Variants in CHIC1 observed in about 807,000 individuals in gnomAD.
CHIC1 encodes cysteine rich hydrophobic domain 1.
In CHIC1, 7 loss-of-function variants were observed where a neutral mutation model predicts 18.5. The ratio of observed to expected loss-of-function variants is 0.38; its 90% confidence interval spans 0.22 to 0.71. CHIC1 has a LOEUF of 0.71. Ranked by LOEUF, CHIC1 falls within the 30% of genes least tolerant of loss-of-function variation. The pLI is 0.49. For missense variants in CHIC1, 159 were observed against 176.9 expected (o/e 0.90, Z 0.57); for synonymous variants, 77 against 73.5 (o/e 1.05, Z -0.25).
At chrX:73,651,566 G>A (rs1177583330) in intron 3 of CHIC1, among the ~76,000 whole-genome samples, 1 of 110,795 alleles carries the variant, frequency 9.0e-6, no homozygotes, top group East Asian at 2.8e-4. Context: ...AAAATTACAT[G>A]CATTCCTATA....
intron 3 of CHIC1, among the ~76,000 whole-genome samples, chrX:73,635,175 G>A (rs1227787733): frequency 2.7e-5 from 3 of 111,619 alleles, no homozygotes; most frequent in Non-Finnish European, 3.8e-5. Flanking sequence ...TGTTAATGTA[G>A]TATATCACAC....
Position 73,681,248 on chromosome X carries a change from T to C in CHIC1, c.*243T>C, listed in dbSNP as rs2058098393. ...ACACATGCGTGTGTGCATATACATATATAGATAGTTGCCATTAAAGATAAA... is the reference window on the plus strand; with the variant it reads ...ACACATGCGTGTGTGCATATACATACATAGATAGTTGCCATTAAAGATAAA... On this transcript the variant is annotated 3_prime_UTR_variant, in exon 6 of 6. Transcript: ENST00000373502. The C allele has an allele frequency of 3.7e-6, 1 of 271,064 alleles. No homozygotes were observed. The highest frequency in any genetic ancestry group is 6.8e-5 in the Admixed American group (1 of 14,806). The allele number at this position is 271,064 out of a possible 1,213,427, so 22.3% of individuals were successfully genotyped here.
intron 3 of CHIC1, among the ~76,000 whole-genome samples, chrX:73,637,677 G>GT (rs1403412202): frequency 1.6e-4 from 18 of 110,016 alleles, no homozygotes; most frequent in Admixed American, 1.1e-3. Context: ...CAGTTATTGT[G>GT]TTTTTCAACT....
chrX:73,655,632 A>AGT (rs34657508), intron 3 of CHIC1, among the ~76,000 whole-genome samples: 5 of 17,937 alleles, frequency 2.8e-4, no homozygotes, highest in African/African-American at 7.9e-4. Context: ...ATATATATAT[A>AGT]GTGTGTGTGT....
intron 3 of CHIC1, among the ~76,000 whole-genome samples, chrX:73,630,866 C>G (rs1004861713): frequency 8.9e-6 from 1 of 111,850 alleles, no homozygotes; most frequent in Non-Finnish European, 1.9e-5. Flanking sequence ...GCCATCTGAT[C>G]CTGTGCTTTT....
At chrX:73,620,177 T>C (rs1382370579) in intron 3 of CHIC1, among the ~76,000 whole-genome samples, 1 of 112,191 alleles carries the variant, frequency 8.9e-6, no homozygotes, top group Admixed American at 9.4e-5. Flanking sequence ...CACGTGCATG[T>C]GTCTTTAGAG....
intron 2 of CHIC1, among the ~76,000 whole-genome samples, chrX:73,581,043 A>C (rs954730091): frequency 9.0e-6 from 1 of 111,485 alleles, no homozygotes; most frequent in Admixed American, 9.5e-5. Flanking sequence ...GAACCACAGA[A>C]ATTTAGAAAA....
intron 3 of CHIC1, among the ~76,000 whole-genome samples, chrX:73,643,885 G>A (rs138728079): frequency 0.023 from 2,569 of 112,076 alleles, 43 homozygotes; most frequent in Admixed American, 0.07. Context: ...GTCATTCTCC[G>A]TCCATCTTTG....
intron 3 of CHIC1, among the ~76,000 whole-genome samples, chrX:73,614,995 G>A (rs1382307658): frequency 9.0e-6 from 1 of 111,376 alleles, no homozygotes; most frequent in African/African-American, 3.3e-5. Flanking sequence ...TGATATAACA[G>A]TTGCTTCTTC....
intron 3 of CHIC1, among the ~76,000 whole-genome samples, chrX:73,620,945 A>G (rs1222127043): frequency 8.9e-6 from 1 of 112,195 alleles, no homozygotes; most frequent in African/African-American, 3.2e-5. Context: ...AACACCATTT[A>G]TTAAATAGGG....
At chrX:73,669,483 CCCT>C (rs1343883560) in intron 3 of CHIC1, among the ~76,000 whole-genome samples, 1 of 110,504 alleles carries the variant, frequency 9.0e-6, no homozygotes. Context: ...CAGGTGGTGA[CCCT>C]CCTCCTCCAC....
At position 73,685,473 on chromosome X, in the gene CHIC1, T is replaced by A. The variant is rs1214828835; in HGVS notation, c.*4468T>A. The A allele has an allele frequency of 1.8e-5, 2 of 111,683 alleles. No homozygotes were observed. Among genetic ancestry groups the A allele is most frequent in the Admixed American group, 9.6e-5 (1 of 10,442 alleles). The allele number at this position is 111,683 out of a possible 1,213,427, so 9.2% of individuals were successfully genotyped here. A position where few individuals can be genotyped will look rare whatever the true frequency, so the allele number is the denominator to read the frequency against. On this transcript the variant is annotated 3_prime_UTR_variant, in exon 6 of 6. Transcript: ENST00000373502. ...CATTTACTTTAGTGTCTAATCAAAT[T>A]CCATACCCTCAAAAAGATCTGTTGG... is the stretch of plus-strand genomic sequence containing the variant.
At chrX:73,563,156 G>T, upstream of CHIC1, 1 of 212,510 alleles carries the variant, frequency 4.7e-6, no homozygotes, top group Non-Finnish European at 5.9e-6. Flanking sequence ...CCAACACGCA[G>T]GCGCGTCTCC....
chrX:73,662,034 A>G (rs919959692), intron 3 of CHIC1, among the ~76,000 whole-genome samples: 5 of 109,400 alleles, frequency 4.6e-5, no homozygotes, highest in African/African-American at 1.3e-4. Flanking sequence ...AACTTAAAGT[A>G]TAATAATAAA....
Position 73,685,069 on chromosome X carries a change from A to G in CHIC1, c.*4064A>G, listed in dbSNP as rs2058115665. ...AGAGCTGGACAAAAAATTAGAGATCACTTAACATTCTGTGATTCAAGGAAT... is the reference window on the plus strand; with the variant it reads ...AGAGCTGGACAAAAAATTAGAGATCGCTTAACATTCTGTGATTCAAGGAAT... On this transcript the variant is annotated 3_prime_UTR_variant, in exon 6 of 6. Coordinates refer to ENST00000373502, the MANE Select transcript of CHIC1 (RefSeq NM_001039840.4). 2 of 111,654 alleles carry G rather than the reference A, an allele frequency of 1.8e-5. No homozygotes were observed. The highest frequency in any genetic ancestry group is 3.2e-5 in the African/African-American group (1 of 30,822). The allele number at this position is 111,654 out of a possible 1,213,427, so 9.2% of individuals were successfully genotyped here.
intron 3 of CHIC1, among the ~76,000 whole-genome samples, chrX:73,658,248 G>GATTTTTTTTTTTTTTT (rs2057960590): frequency 6.0e-5 from 1 of 16,710 alleles, no homozygotes; most frequent in Non-Finnish European, 9.8e-5. Context: ...CTGGTCCTAG[G>GATTTTTTTTTTTTTTT]TTTTTTTTTT....
At position 73,669,609 on chromosome X, in the gene CHIC1, G is replaced by A. The variant is rs778690911; in HGVS notation, c.508-9717G>A. Among the ~76,000 whole-genome samples, 53 of 110,285 alleles carry A rather than the reference G, an allele frequency of 4.8e-4. No individual in the cohort carries two copies. The South Asian group carries it at 0.021, about 44-fold the overall frequency. On this transcript the variant is annotated intron_variant, in intron 3 of 5. Transcript: ENST00000373502. ...CGCCTGGGAGGTCCTGCCCAGTGTG[G>A]AAGAATGGATTTGGTCCCACTTAAA...
intron 3 of CHIC1, 88 bp downstream of exon 3, chrX:73,584,660 T>C: frequency 4.6e-6 from 3 of 657,685 alleles, no homozygotes; most frequent in South Asian, 1.1e-4. Context: ...TCAAGTACTT[T>C]ACACAATTTA....
intron 3 of CHIC1, among the ~76,000 whole-genome samples, chrX:73,602,348 C>T (rs1874409078): frequency 9.2e-6 from 1 of 108,697 alleles, no homozygotes; most frequent in Non-Finnish European, 1.9e-5. Flanking sequence ...ATCCTTCACC[C>T]ACTTTTTGAG....
Sources: gnomAD v4.1 joint callset for allele counts (sites outside exome capture counted in the v4.1 genomes callset) on GRCh38, gnomAD v4.1.1 for gene constraint, MANE v1.5 for transcripts, NCBI Gene and HGNC (gene_info 2026-07-23, HGNC 2026-07-21) for gene names.